The following PDE7B variants were observed in gnomAD, a reference collection of about 807,000 sequenced individuals.
The protein encoded by PDE7B is phosphodiesterase 7B.
Under a neutral mutation model 56.2 loss-of-function variants are expected in PDE7B, and 29 were observed. The observed-to-expected ratio is 0.52, with a 90% confidence interval of 0.38 to 0.70. The LOEUF (loss-of-function observed/expected upper bound fraction) is 0.70, where lower values mean the gene tolerates loss of function less well. Among genes scored for constraint, PDE7B ranks in the 30% least tolerant of loss-of-function variants. The probability of loss-of-function intolerance (pLI) is 0.00; values close to 1 mark genes in which losing one functional copy is unlikely to be tolerated. For synonymous variants in PDE7B, 197 were observed against 196.9 expected (o/e 1.00, Z 0.00); for missense variants, 490 against 565.0 (o/e 0.87, Z 1.35).
chr6:135,887,421 C>T (rs1334647028), intron 1 of PDE7B, among the ~76,000 whole-genome samples: 1 of 152,004 alleles, frequency 6.6e-6, no homozygotes, highest in Non-Finnish European at 1.5e-5. Flanking sequence ...AATAATTTTC[C>T]CTAACCTGTA....
intron 2 of PDE7B, among the ~76,000 whole-genome samples, chr6:136,062,454 A>G (rs1776860815): frequency 6.6e-6 from 1 of 152,164 alleles, no homozygotes; most frequent in African/African-American, 2.4e-5. Context: ...TGTTATTTCA[A>G]TAGTTTTGGG....
chr6:135,973,409 T>A (rs1050443930), intron 2 of PDE7B, among the ~76,000 whole-genome samples: 4 of 152,198 alleles, frequency 2.6e-5, no homozygotes, highest in African/African-American at 9.7e-5. Flanking sequence ...ATATCTTGGC[T>A]ATTTGAATAG....
Position 136,148,470 on chromosome 6 carries a change from A to AAGGC in PDE7B, c.319-591_319-588dup, listed in dbSNP as rs71006787. ...GTGGGAGGGAGGGAGGGAAGGAAGG[A>AAGGC]AGGCAGGCAGGCAGGCAGGCAGGCA... On this transcript the variant is annotated intron_variant, in intron 4 of 12. Transcript: ENST00000308191. 3.9e-3 allele frequency among the ~76,000 whole-genome samples: 513 copies of AAGGC among 130,234 alleles called. 4 individuals carry two copies. Among genetic ancestry groups the AAGGC allele is most frequent in the East Asian group, 0.023 (97 of 4,238 alleles). 85.4% of individuals were successfully genotyped at this position (130,234 alleles called of 152,430 possible). A position where few individuals can be genotyped will look rare whatever the true frequency, so the allele number is the denominator to read the frequency against.
chr6:136,051,860 C>T (rs560122748), intron 2 of PDE7B, among the ~76,000 whole-genome samples: 2 of 152,180 alleles, frequency 1.3e-5, no homozygotes, highest in East Asian at 3.9e-4. Context: ...TACTTACGGG[C>T]TGGTTAGATA....
intron 2 of PDE7B, among the ~76,000 whole-genome samples, chr6:135,990,375 C>T (rs770557712): frequency 6.6e-6 from 1 of 152,218 alleles, no homozygotes; most frequent in Non-Finnish European, 1.5e-5. Flanking sequence ...GGATTACAGG[C>T]GTGAGCTACT....
chr6:136,162,338 AAGG>A (rs1408443258), intron 8 of PDE7B: 1 of 152,146 alleles, frequency 6.6e-6, no homozygotes, highest in Non-Finnish European at 1.5e-5. Context: ...TGGTGACAGG[AAGG>A]AGAAGTGCTG....
intron 2 of PDE7B, among the ~76,000 whole-genome samples, chr6:135,967,747 A>T (rs539454079): frequency 2.6e-5 from 4 of 152,304 alleles, no homozygotes; most frequent in East Asian, 3.9e-4. Flanking sequence ...TCCAAAATAC[A>T]TGCTGAAACT....
intron 2 of PDE7B, among the ~76,000 whole-genome samples, chr6:135,976,905 C>T (rs1775195584): frequency 6.6e-6 from 1 of 152,168 alleles, no homozygotes; most frequent in African/African-American, 2.4e-5. Flanking sequence ...GTCCCCACAT[C>T]CAGGCAGCAG....
chr6:136,147,285 TAC>T (rs1396076299), intron 3 of PDE7B, 64 bp from the exon 4 acceptor site: 7 of 1,066,542 alleles, frequency 6.6e-6, no homozygotes, highest in Non-Finnish European at 9.5e-6. Flanking sequence ...CATTTATTTT[TAC>T]AGAGTGGAGA....
intron 3 of PDE7B, among the ~76,000 whole-genome samples, chr6:136,143,197 G>A (rs1778356748): frequency 6.6e-6 from 1 of 151,774 alleles, no homozygotes; most frequent in Non-Finnish European, 1.5e-5. Flanking sequence ...TTTAATTACT[G>A]GGGTTTTTTA....
At chr6:135,912,360 G>T (rs113039546) in intron 1 of PDE7B, among the ~76,000 whole-genome samples, 1 of 152,062 alleles carries the variant, frequency 6.6e-6, no homozygotes, top group Non-Finnish European at 1.5e-5. Context: ...CATACATAGC[G>T]TAGCATTTAC....
intron 2 of PDE7B, among the ~76,000 whole-genome samples, chr6:136,075,133 G>A (rs1777109167): frequency 6.6e-6 from 1 of 152,104 alleles, no homozygotes; most frequent in South Asian, 2.1e-4. Flanking sequence ...CTGTCTTTCT[G>A]GGTGCTTTAC....
At chr6:135,939,535 G>A (rs536630682) in intron 1 of PDE7B, among the ~76,000 whole-genome samples, 1 of 152,334 alleles carries the variant, frequency 6.6e-6, no homozygotes, top group South Asian at 2.1e-4. Flanking sequence ...TTCCAAATCT[G>A]CCGTCCTCTG....
chr6:136,158,737 T>C (rs1052929757), intron 8 of PDE7B, among the ~76,000 whole-genome samples: 2 of 152,142 alleles, frequency 1.3e-5, no homozygotes, highest in African/African-American at 4.8e-5. Context: ...GCACTTCTAC[T>C]TGGCACCTCT....
At chr6:135,917,552 T>G (rs1183839531) in intron 1 of PDE7B, among the ~76,000 whole-genome samples, 1 of 152,214 alleles carries the variant, frequency 6.6e-6, no homozygotes, top group Non-Finnish European at 1.5e-5. Flanking sequence ...AAAGGCTTCA[T>G]CTGCTAATTT....
intron 1 of PDE7B, among the ~76,000 whole-genome samples, chr6:135,908,061 T>C (rs1385194336): frequency 6.6e-6 from 1 of 151,620 alleles, no homozygotes; most frequent in Non-Finnish European, 1.5e-5. Flanking sequence ...TGGAGTATTA[T>C]GAAGAAACAA....
chr6:136,160,777 C>T (rs1230490594), intron 8 of PDE7B, among the ~76,000 whole-genome samples: 1 of 152,186 alleles, frequency 6.6e-6, no homozygotes, highest in Non-Finnish European at 1.5e-5. Flanking sequence ...CCCTCCCAGG[C>T]TTCTATGCAT....
chr6:136,093,790 T>C (rs543854834), intron 2 of PDE7B, among the ~76,000 whole-genome samples: 3 of 152,286 alleles, frequency 2.0e-5, no homozygotes, highest in Admixed American at 6.5e-5. Flanking sequence ...AAACATTTGT[T>C]TGGGGATCTA....
At chr6:135,979,361 G>A (rs561518831) in intron 2 of PDE7B, among the ~76,000 whole-genome samples, 1 of 151,722 alleles carries the variant, frequency 6.6e-6, no homozygotes, top group East Asian at 1.9e-4. Flanking sequence ...GTCTCTGCCC[G>A]GCTTTGGTAT....
Sources: allele counts gnomAD v4.1 joint callset (sites outside exome capture counted in the v4.1 genomes callset), GRCh38; gene constraint gnomAD v4.1.1; transcripts MANE v1.5; gene names NCBI Gene and HGNC (gene_info 2026-07-23, HGNC 2026-07-21).